Variants in GATAD2B observed in about 807,000 individuals in gnomAD.
GATAD2B encodes the protein transcriptional repressor p66-beta.
Under a neutral mutation model 64.3 loss-of-function variants are expected in GATAD2B, and 8 were observed. That is an observed-to-expected ratio of 0.12 (90% CI 0.07 to 0.22). The LOEUF (loss-of-function observed/expected upper bound fraction) is 0.22. Ranked by LOEUF, GATAD2B falls within the 10% of genes least tolerant of loss-of-function variation. GATAD2B has a pLI of 1.00. For synonymous variants in GATAD2B, 281 were observed against 271.3 expected, an observed-to-expected ratio of 1.04 and a Z score of -0.35; for missense variants, 453 against 752.0, an observed-to-expected ratio of 0.60 and a Z score of 4.65.
intron 4 of GATAD2B, 60 bp downstream of exon 4, chr1:153,818,731 C>T (rs1557783000): frequency 2.6e-6 from 4 of 1,534,384 alleles, no homozygotes; most frequent in Non-Finnish European, 2.7e-6. Flanking sequence ...CTGGGGGAAC[C>T]TACTCTCAAA....
intron 1 of GATAD2B, among the ~76,000 whole-genome samples, chr1:153,842,224 AATG>A (rs1333719349): frequency 2.0e-5 from 3 of 152,198 alleles, no homozygotes; most frequent in African/African-American, 4.8e-5. Context: ...CCTAATGGCT[AATG>A]ATGTTCTTTT....
At chr1:153,854,931 G>A (rs1380097477) in intron 1 of GATAD2B, among the ~76,000 whole-genome samples, 1 of 152,098 alleles carries the variant, frequency 6.6e-6, no homozygotes, top group Admixed American at 6.6e-5. Context: ...AAATCAATGA[G>A]CACGGTCTCT....
chr1:153,861,326 A>G (rs1161696577), intron 1 of GATAD2B, among the ~76,000 whole-genome samples: 2 of 151,976 alleles, frequency 1.3e-5, no homozygotes, highest in Non-Finnish European at 2.9e-5. Context: ...CCAACGCAGG[A>G]GGATCACTTA....
chr1:153,823,280 G>C (rs1674748589), intron 2 of GATAD2B, among the ~76,000 whole-genome samples: 1 of 152,162 alleles, frequency 6.6e-6, no homozygotes, highest in South Asian at 2.1e-4. Flanking sequence ...TTGTGACTTA[G>C]TCTGGCATAT....
At chr1:153,904,212 A>ATC (rs917738551) in intron 1 of GATAD2B, among the ~76,000 whole-genome samples, 11 of 152,010 alleles carry the variant, frequency 7.2e-5, no homozygotes, top group African/African-American at 2.7e-4. Context: ...ACTGGAAGAC[A>ATC]GAGGGTTCAG....
rs557669747 is a variant in GATAD2B, at chr1:153,895,673, CAATAT to C, written c.-2+27055_-2+27059del. ...AGACATGTTACTAAAAATTTATTGA[CAATAT>C]AATGATGTACTCTTGAATCTAAGAT... is the stretch of plus-strand genomic sequence containing the variant. On this transcript the variant is annotated intron_variant, in intron 1 of 10. Coordinates refer to ENST00000368655, the MANE Select transcript of GATAD2B (RefSeq NM_020699.4). Among the ~76,000 whole-genome samples the C allele has an allele frequency of 1.6e-4, 25 of 152,106 alleles. No homozygotes were observed. The South Asian group carries it at 5.2e-3, about 32-fold the overall frequency.
In GATAD2B at chr1:153,858,180, G is replaced by A. The variant is rs113966629; in HGVS notation, c.-1-29832C>T. On this transcript the variant is annotated intron_variant, in intron 1 of 10. Coordinates refer to ENST00000368655, the MANE Select transcript of GATAD2B (RefSeq NM_020699.4). ...GCCTGGTGAGTTATGGGAGAGTGAC[G>A]GGATATCCTTCCTTCCAATCTAACT... is the stretch of plus-strand genomic sequence containing the variant. Among the ~76,000 whole-genome samples, 420 of 152,182 alleles carry A rather than the reference G, an allele frequency of 2.8e-3. 1 individual carries two copies. The highest frequency in any genetic ancestry group is 5.1e-3 in the Non-Finnish European group (350 of 68,010).
At chr1:153,815,676 T>C (rs986793188) in intron 7 of GATAD2B, among the ~76,000 whole-genome samples, 1 of 151,400 alleles carries the variant, frequency 6.6e-6, no homozygotes, top group Non-Finnish European at 1.5e-5. Context: ...AGCCGAAAGA[T>C]AGATGATAGA....
chr1:153,865,853 T>TG (rs1214783218), intron 1 of GATAD2B, among the ~76,000 whole-genome samples: 1 of 152,116 alleles, frequency 6.6e-6, no homozygotes, highest in African/African-American at 2.4e-5. Context: ...CGGGGTGCAG[T>TG]GGCACACACT....
chr1:153,840,490 A>C (rs1481972121), intron 1 of GATAD2B, among the ~76,000 whole-genome samples: 1 of 151,740 alleles, frequency 6.6e-6, no homozygotes, highest in Non-Finnish European at 1.5e-5. Context: ...GGCATGCGCC[A>C]CCACGCCTAG....
intron 1 of GATAD2B, among the ~76,000 whole-genome samples, chr1:153,866,602 T>C (rs939511429): frequency 6.6e-6 from 1 of 152,202 alleles, no homozygotes; most frequent in African/African-American, 2.4e-5. Flanking sequence ...GTAATTATTC[T>C]GCACTTCCCA....
chr1:153,882,035 G>T lies in GATAD2B; in HGVS notation c.-2+40698C>A, dbSNP rs182398201. 5.9e-5 allele frequency among the ~76,000 whole-genome samples: 9 copies of T among 152,148 alleles called. No homozygotes were observed. The East Asian group carries it at 1.7e-3, about 29-fold the overall frequency. On this transcript the variant is annotated intron_variant, in intron 1 of 10. Transcript: ENST00000368655. Reference sequence around the variant, plus strand: ...CTTACTTTTACCCATGATGCCTAGCGGGGACAGGAGGGAGGGAGAGAAAAA... The same window carrying T: ...CTTACTTTTACCCATGATGCCTAGCTGGGACAGGAGGGAGGGAGAGAAAAA...
At chr1:153,861,827 T>TGTATAC (rs1358060230) in intron 1 of GATAD2B, among the ~76,000 whole-genome samples, 1 of 139,592 alleles carries the variant, frequency 7.2e-6, no homozygotes, top group Non-Finnish European at 1.5e-5. Flanking sequence ...TGTATATATA[T>TGTATAC]GTATATGTAT....
At position 153,889,044 on chromosome 1, in the gene GATAD2B, G is replaced by A. The variant is rs566302584; in HGVS notation, c.-2+33689C>T. Reference sequence around the variant, plus strand: ...TAAGACTAAAATGTAAGTTATCACAGCCATACAGTCAGTGACTTCCATAAA... The same window carrying A: ...TAAGACTAAAATGTAAGTTATCACAACCATACAGTCAGTGACTTCCATAAA... On this transcript the variant is annotated intron_variant, in intron 1 of 10. Transcript: ENST00000368655. 3.3e-5 allele frequency among the ~76,000 whole-genome samples: 5 copies of A among 152,162 alleles called. No individual in the cohort carries two copies. The South Asian group carries it at 8.3e-4, about 25-fold the overall frequency.
intron 2 of GATAD2B, among the ~76,000 whole-genome samples, chr1:153,824,143 C>T (rs181639565): frequency 1.2e-4 from 19 of 152,280 alleles, no homozygotes; most frequent in East Asian, 9.6e-4. Context: ...TTGGGTACAG[C>T]GGCCCATGCC....
At chr1:153,901,529 T>C (rs1168916351) in intron 1 of GATAD2B, among the ~76,000 whole-genome samples, 1 of 152,114 alleles carries the variant, frequency 6.6e-6, no homozygotes, top group Non-Finnish European at 1.5e-5. Flanking sequence ...GATTTTTCTT[T>C]GGTTAAAATG....
intron 1 of GATAD2B, among the ~76,000 whole-genome samples, chr1:153,881,290 T>C (rs192241816): frequency 3.9e-5 from 6 of 152,054 alleles, no homozygotes; most frequent in Admixed American, 6.6e-5. Context: ...AGGGGGAGGC[T>C]AGAACCATCA....
intron 4 of GATAD2B, among the ~76,000 whole-genome samples, chr1:153,818,378 G>A (rs1206683684): frequency 6.9e-6 from 1 of 144,416 alleles, no homozygotes; most frequent in African/African-American, 2.6e-5. Flanking sequence ...GCAGTGGCCT[G>A]ATCTCGGCTC....
At chr1:153,842,826 T>C (rs1675544582) in intron 1 of GATAD2B, among the ~76,000 whole-genome samples, 1 of 152,022 alleles carries the variant, frequency 6.6e-6, no homozygotes, top group Non-Finnish European at 1.5e-5. Flanking sequence ...CTAATTTTTT[T>C]GTATTTTTAG....
Sources: gnomAD v4.1 joint callset for allele counts (sites outside exome capture counted in the v4.1 genomes callset) on GRCh38, gnomAD v4.1.1 for gene constraint, MANE v1.5 for transcripts, NCBI Gene and HGNC (gene_info 2026-07-23, HGNC 2026-07-21) for gene names.